The following NCKAP5 variants were observed in gnomAD, a reference collection of about 807,000 sequenced individuals.
NCKAP5 encodes NCK associated protein 5.
In NCKAP5, 92 loss-of-function variants were observed where a neutral mutation model predicts 167.0. That is an observed-to-expected ratio of 0.55 (90% CI 0.47 to 0.66). The LOEUF (loss-of-function observed/expected upper bound fraction) is 0.66, where lower values mean the gene tolerates loss of function less well. Ranked by LOEUF, NCKAP5 falls within the 30% of genes least tolerant of loss-of-function variation. The pLI, the probability that NCKAP5 is intolerant of heterozygous loss-of-function variation, is 0.00. For synonymous variants in NCKAP5, 891 were observed against 877.4 expected, an observed-to-expected ratio of 1.02 and a Z score of -0.27; for missense variants, 2,378 against 2,315.0, an observed-to-expected ratio of 1.03 and a Z score of -0.56.
At chr2:133,054,266 A>G (rs2079712819) in intron 6 of NCKAP5, among the ~76,000 whole-genome samples, 1 of 152,218 alleles carries the variant, frequency 6.6e-6, no homozygotes, top group African/African-American at 2.4e-5. Context: ...TAGCAATATG[A>G]TGGTATGTTA....
chr2:132,808,123 T>A lies in NCKAP5; in HGVS notation c.808-11394A>T, dbSNP rs189228627. Among the ~76,000 whole-genome samples the A allele has an allele frequency of 1.4e-3, 214 of 152,168 alleles. 1 individual carries two copies. Among genetic ancestry groups the A allele is most frequent in the African/African-American group, 4.9e-3 (203 of 41,540 alleles). The stretch of plus-strand genomic sequence containing the variant: ...TATGAAACCCACTTGATCATGGTGG[T>A]TTATCTTTTCTATATGTTGTTGGAT... On this transcript the variant is annotated intron_variant, in intron 11 of 19. Transcript: ENST00000409261.
Position 132,796,708 on chromosome 2 carries a change from C to G in NCKAP5, c.829G>C (p.Asp277His). The G allele has an allele frequency of 6.2e-7, 1 of 1,612,826 alleles. No homozygotes were observed. Among genetic ancestry groups the G allele is most frequent in the South Asian group, 1.1e-5 (1 of 90,882 alleles). Reference protein sequence around the residue: ...LLQKLHSRLLDLSSGDLLSEV... With the variant: ...LLQKLHSRLLHLSSGDLLSEV... Reference sequence around the variant, plus strand: ...GAAAGCAAATCTCCAGATGAAAGATCCAAGAGACGTGAGTGAAGTTTCTAG... The same window carrying G: ...GAAAGCAAATCTCCAGATGAAAGATGCAAGAGACGTGAGTGAAGTTTCTAG... Residue 277 changes from aspartate to histidine, a missense_variant, in exon 12 of 20, where the codon GAT becomes CAT. Transcript: ENST00000409261.
At chr2:133,169,469 TCTC>T (rs894965513) in intron 5 of NCKAP5, among the ~76,000 whole-genome samples, 7 of 152,132 alleles carry the variant, frequency 4.6e-5, no homozygotes, top group East Asian at 1.9e-4. Context: ...TCATATATCT[TCTC>T]CTCTCGCAGA....
chr2:133,400,426 C>T (rs1012592098), intron 3 of NCKAP5, among the ~76,000 whole-genome samples: 4 of 152,092 alleles, frequency 2.6e-5, no homozygotes, highest in African/African-American at 9.7e-5. Flanking sequence ...TGGTGGGCCC[C>T]AAATCCAAAG....
intron 8 of NCKAP5, among the ~76,000 whole-genome samples, chr2:132,935,033 TC>T (rs1344781300): frequency 6.6e-6 from 1 of 152,228 alleles, no homozygotes; most frequent in Admixed American, 6.5e-5. Flanking sequence ...ATGGCTTTTT[TC>T]CCAGCTACAA....
intron 4 of NCKAP5, among the ~76,000 whole-genome samples, chr2:133,300,356 G>C (rs1299325562): frequency 7.5e-6 from 1 of 133,052 alleles, no homozygotes; most frequent in Non-Finnish European, 1.6e-5. Flanking sequence ...TATCCTTGAT[G>C]AACACTGATG....
chr2:132,888,770 G>A lies in NCKAP5; in HGVS notation c.580-9854C>T, dbSNP rs1287734402. ...ACAACTGACAAAATATTTAAAGCTT[G>A]TACTTCGTTATATTGAATAGTAGAG... On this transcript the variant is annotated intron_variant, in intron 8 of 19. Coordinates refer to ENST00000409261, the MANE Select transcript of NCKAP5 (RefSeq NM_207363.3). Among the ~76,000 whole-genome samples, 3 of 152,214 alleles carry A rather than the reference G, an allele frequency of 2.0e-5. No homozygotes were observed. The East Asian group carries it at 5.8e-4, about 29-fold the overall frequency.
chr2:132,838,722 C>T (rs1262053011), intron 11 of NCKAP5, among the ~76,000 whole-genome samples: 1 of 152,154 alleles, frequency 6.6e-6, no homozygotes, highest in Non-Finnish European at 1.5e-5. Flanking sequence ...GGCTAATTAG[C>T]TTTTATTTCT....
intron 11 of NCKAP5, among the ~76,000 whole-genome samples, chr2:132,809,259 T>C (rs565512455): frequency 2.7e-4 from 41 of 152,294 alleles, no homozygotes; most frequent in African/African-American, 9.1e-4. Flanking sequence ...TTGAATGAAA[T>C]ATTCTGTATA....
chr2:132,710,164 A>G (rs73957625), intron 19 of NCKAP5, among the ~76,000 whole-genome samples: 1,721 of 152,304 alleles, frequency 0.011, 37 homozygotes, highest in African/African-American at 0.039. Flanking sequence ...GATAAAATTC[A>G]ACATGACTAC....
chr2:133,244,969 T>C (rs2087903195), intron 4 of NCKAP5, among the ~76,000 whole-genome samples: 2 of 152,192 alleles, frequency 1.3e-5, no homozygotes, highest in Admixed American at 6.5e-5. Context: ...TTTTAATAAA[T>C]CTATAAAGGG....
At position 133,113,987 on chromosome 2, in the gene NCKAP5, T is replaced by C. The variant is rs115332303; in HGVS notation, c.341+15991A>G. 8.0e-3 allele frequency among the ~76,000 whole-genome samples: 1,214 copies of C among 152,288 alleles called. 9 individuals are homozygous for C. The highest frequency in any genetic ancestry group is 0.013 in the Admixed American group (192 of 15,306). On this transcript the variant is annotated intron_variant, in intron 6 of 19. Transcript: ENST00000409261. ...TCGGCCTTCCAGGTCATGATGAAGATACATTCATCAAGGAGAACACATTTT... is the reference window on the plus strand; with the variant it reads ...TCGGCCTTCCAGGTCATGATGAAGACACATTCATCAAGGAGAACACATTTT...
intron 5 of NCKAP5, among the ~76,000 whole-genome samples, chr2:133,137,406 T>TGTG (rs2082828771): frequency 7.3e-5 from 10 of 136,302 alleles, no homozygotes; most frequent in Admixed American, 2.2e-4. Context: ...GAGCTTGGTT[T>TGTG]TGTGTGTGTG....
At chr2:132,930,952 T>G (rs1696329317) in intron 8 of NCKAP5, 1 of 152,154 alleles carries the variant, frequency 6.6e-6, no homozygotes. Flanking sequence ...GAGGCACACA[T>G]AGCTGAAATA....
intron 6 of NCKAP5, among the ~76,000 whole-genome samples, chr2:133,050,482 ATAAAG>A (rs1307535490): frequency 3.3e-5 from 5 of 152,350 alleles, no homozygotes; most frequent in South Asian, 4.1e-4. Context: ...ACTGGCTAAT[ATAAAG>A]TAATCTTTCC....
At chr2:133,506,274 C>A (rs1682996648) in intron 3 of NCKAP5, among the ~76,000 whole-genome samples, 2 of 152,174 alleles carry the variant, frequency 1.3e-5, no homozygotes, top group Admixed American at 1.3e-4. Context: ...AAACAACACA[C>A]AAAAATCTAT....
intron 16 of NCKAP5, among the ~76,000 whole-genome samples, chr2:132,746,268 A>T: frequency 6.6e-6 from 1 of 152,136 alleles, no homozygotes; most frequent in East Asian, 1.9e-4. Context: ...TTTTCAATTG[A>T]TTTCTGACAA....
intron 5 of NCKAP5, among the ~76,000 whole-genome samples, chr2:133,178,717 C>T (rs1041338552): frequency 1.0e-4 from 15 of 148,116 alleles, no homozygotes; most frequent in African/African-American, 3.5e-4. Flanking sequence ...CCCAGCTACT[C>T]GGGAGGCTGA....
In NCKAP5 at chr2:133,261,303, G is replaced by C. The variant is rs552135285; in HGVS notation, c.143+41734C>G. 2.6e-5 allele frequency among the ~76,000 whole-genome samples: 4 copies of C among 152,070 alleles called. No individual in the cohort carries two copies. The South Asian group carries it at 8.3e-4, about 32-fold the overall frequency. ...TACCAGCAAAAACCACCCAAGGTAG[G>C]CTTATCTCATAGGATAACTCTCTCC... On this transcript the variant is annotated intron_variant, in intron 4 of 19. Transcript: ENST00000409261.
Sources: allele counts gnomAD v4.1 joint callset (sites outside exome capture counted in the v4.1 genomes callset), GRCh38; gene constraint gnomAD v4.1.1; transcripts MANE v1.5; gene names NCBI Gene and HGNC (gene_info 2026-07-23, HGNC 2026-07-21).